Variants in PLAGL1 observed in about 807,000 individuals in gnomAD.
PLAGL1 encodes zinc finger protein PLAGL1.
Under a neutral mutation model 4.6 loss-of-function variants are expected in PLAGL1, and 1 was observed. That is an observed-to-expected ratio of 0.22 (90% CI 0.08 to 1.03). PLAGL1 has a LOEUF of 1.03. Among genes scored for constraint, PLAGL1 ranks in the 50% least tolerant of loss-of-function variants. The pLI is 0.58. For missense variants in PLAGL1, 464 were observed against 570.4 expected (o/e 0.81, Z 1.90); for synonymous variants, 240 against 237.8 (o/e 1.01, Z -0.08).
Position 143,977,470 on chromosome 6 carries a change from C to CTTTTTTTTT in PLAGL1, c.-544+7656_-544+7664dup, listed in dbSNP as rs34750629. On this transcript the variant is annotated intron_variant, in intron 2 of 7. Coordinates refer to ENST00000674357, the MANE Select transcript of PLAGL1 (RefSeq NM_001317162.2). ...TTTTTATTTTTTTCTTCTTCTTCTTCTTTTTTTTTTTTTTTTTTTTTGAGA... is the reference window on the plus strand; with the variant it reads ...TTTTTATTTTTTTCTTCTTCTTCTTCTTTTTTTTTTTTTTTTTTTTTTTTTTTTTTGAGA... 2.3e-3 allele frequency among the ~76,000 whole-genome samples: 159 copies of CTTTTTTTTT among 69,314 alleles called. 1 individual carries two copies. Among genetic ancestry groups the CTTTTTTTTT allele is most frequent in the South Asian group, 3.7e-3 (5 of 1,368 alleles). The allele number at this position is 69,314 out of a possible 152,430, so 45.5% of individuals were successfully genotyped here. A position where few individuals can be genotyped will look rare whatever the true frequency, so the allele number is the denominator to read the frequency against.
At position 143,946,933 on chromosome 6, in the gene PLAGL1, G is replaced by A. The variant is rs117255767; in HGVS notation, c.152+1052C>T. On this transcript the variant is annotated intron_variant, in intron 7 of 7. Coordinates refer to ENST00000674357, the MANE Select transcript of PLAGL1 (RefSeq NM_001317162.2). The stretch of plus-strand genomic sequence containing the variant: ...CATGCTCATTACCAGTCCCAGTACC[G>A]TGCAGCACAGCCACTGCATGTACAT... 2.3e-3 allele frequency among the ~76,000 whole-genome samples: 351 copies of A among 152,290 alleles called. 6 individuals are homozygous for A. The East Asian group carries it at 0.026, about 11-fold the overall frequency.
In PLAGL1 at chr6:143,949,791, C is replaced by T. The variant is rs947851786; in HGVS notation, c.-324-1331G>A. ...ATTGCAGTGAGTCTTTAAAGCCCTC[C>T]CTGCTCCTTGCAGTCATTTATTGCC... On this transcript the variant is annotated intron_variant, in intron 6 of 7. Coordinates refer to ENST00000674357, the MANE Select transcript of PLAGL1 (RefSeq NM_001317162.2). This position sits in a 1 kb window ranked among gnomAD's most constrained non-coding sequence, Gnocchi z 5.3. Among the ~76,000 whole-genome samples the T allele has an allele frequency of 6.6e-6, 1 of 152,134 alleles. No homozygotes were observed. Among genetic ancestry groups the T allele is most frequent in the Non-Finnish European group, 1.5e-5 (1 of 68,034 alleles).
At chr6:144,023,465 G>T (rs562883620) in intron 1 of PLAGL1, among the ~76,000 whole-genome samples, 2 of 152,260 alleles carry the variant, frequency 1.3e-5, no homozygotes, top group Admixed American at 6.5e-5. Context: ...CTCATTGAAG[G>T]GGGGCTGGGG....
intron 1 of PLAGL1, among the ~76,000 whole-genome samples, chr6:144,029,255 GT>G (rs1796614151): frequency 6.6e-6 from 1 of 152,044 alleles, no homozygotes; most frequent in Non-Finnish European, 1.5e-5. Context: ...GCATTTCCAA[GT>G]TTGCACAAAC....
intron 2 of PLAGL1, among the ~76,000 whole-genome samples, chr6:143,981,599 G>A (rs1164496522): frequency 1.3e-5 from 2 of 152,032 alleles, no homozygotes; most frequent in Non-Finnish European, 2.9e-5. Context: ...TCACTGTCTC[G>A]TGCCACTTGT....
chr6:143,946,498 G>A (rs187883945), intron 7 of PLAGL1, among the ~76,000 whole-genome samples: 1 of 152,344 alleles, frequency 6.6e-6, no homozygotes, highest in East Asian at 1.9e-4. Flanking sequence ...ACTCGTGACA[G>A]CTAGAGGGAG....
Position 144,036,785 on chromosome 6 carries a change from C to T in PLAGL1, c.-151+27683G>A. 1 of 339,688 alleles carries T rather than the reference C, an allele frequency of 2.9e-6. No homozygotes were observed. Among genetic ancestry groups the T allele is most frequent in the South Asian group, 2.3e-5 (1 of 42,726 alleles). 21.0% of individuals were successfully genotyped at this position (339,688 alleles called of 1,614,324 possible). ...GCTCTAAGACAAGCAAGAAGGCAGA[C>T]CTGCTAAATGCCCATTATGACACTA... On this transcript the variant is annotated intron_variant, in intron 1 of 3. Coordinates refer to the PLAGL1 transcript ENST00000437412. The surrounding 1 kb of genome is among the most constrained non-coding windows in gnomAD (Gnocchi z 5.1).
rs57728555 is a variant in PLAGL1, at chr6:143,982,396, G to T, written c.-544+2739C>A. 6.6e-6 allele frequency among the ~76,000 whole-genome samples: 1 copy of T among 152,102 alleles called. No homozygotes were observed. The highest frequency in any genetic ancestry group is 1.9e-4 in the East Asian group (1 of 5,196). Reference sequence around the variant, plus strand: ...GCTAAAGCAGTCAGTGAAGGGAAGCGGTAAAAGATTAGGCCAGAAGTAATG... The same window carrying T: ...GCTAAAGCAGTCAGTGAAGGGAAGCTGTAAAAGATTAGGCCAGAAGTAATG... On this transcript the variant is annotated intron_variant, in intron 2 of 7. Transcript: ENST00000674357. This position sits in a 1 kb window ranked among gnomAD's most constrained non-coding sequence, Gnocchi z 5.3.
rs1798330955 is a variant in PLAGL1, at chr6:144,048,369, C to T, written c.-151+16099G>A. On this transcript the variant is annotated intron_variant, in intron 1 of 3. Coordinates refer to the PLAGL1 transcript ENST00000437412. The surrounding 1 kb of genome is among the most constrained non-coding windows in gnomAD (Gnocchi z 4.8). The stretch of plus-strand genomic sequence containing the variant: ...TGGGGACTCTGTGTGGGGGCTCCAA[C>T]CCCACATTTTCCTCCTGGACTACGC... Among the ~76,000 whole-genome samples, 1 of 152,208 alleles carries T rather than the reference C, an allele frequency of 6.6e-6. No homozygotes were observed. The highest frequency in any genetic ancestry group is 2.4e-5 in the African/African-American group (1 of 41,458).
intron 1 of PLAGL1, among the ~76,000 whole-genome samples, chr6:144,002,433 G>C (rs1329763528): frequency 6.6e-6 from 1 of 152,006 alleles, no homozygotes. Context: ...AGTGCAATAA[G>C]GCAAGAAAAG....
rs531949403 is a variant in PLAGL1 at position 143,957,075 on chromosome 6, G to T, written c.-325+3394C>A. On this transcript the variant is annotated intron_variant, in intron 6 of 7. Transcript: ENST00000674357. This position sits in a 1 kb window ranked among gnomAD's most constrained non-coding sequence, Gnocchi z 4.2. ...GGGGGAACGGAGGAAAAGAAATATT[G>T]TTGCAGACTCTTGGATCTTTGACAG... Among the ~76,000 whole-genome samples, 2 of 152,372 alleles carry T rather than the reference G, an allele frequency of 1.3e-5. No homozygotes were observed. The highest frequency in any genetic ancestry group is 4.8e-5 in the African/African-American group (2 of 41,590).
chr6:144,062,860 C>G (rs1799533262), intron 1 of PLAGL1, among the ~76,000 whole-genome samples: 1 of 152,170 alleles, frequency 6.6e-6, no homozygotes, highest in Non-Finnish European at 1.5e-5. Flanking sequence ...AGCCTTCAGA[C>G]AGACCGGGGT....
intron 1 of PLAGL1, among the ~76,000 whole-genome samples, chr6:143,986,755 C>T (rs1789263704): frequency 6.6e-6 from 1 of 152,182 alleles, no homozygotes; most frequent in South Asian, 2.1e-4. Context: ...ATAGCTGTGA[C>T]AGTTTTGCCT....
intron 1 of PLAGL1, among the ~76,000 whole-genome samples, chr6:144,047,658 C>T (rs750741290): frequency 6.6e-6 from 1 of 152,084 alleles, no homozygotes; most frequent in Non-Finnish European, 1.5e-5. Context: ...GAAAACCATC[C>T]CCATGATCCA....
rs1785249598 is a variant in PLAGL1 at position 143,970,635 on chromosome 6, T to C, written c.-543-1657A>G. ...CGGGAAACTGTCTAAGAGGGAAATATCTGGTATTTTTCTACTAGGAAGTTA... is the reference window on the plus strand; with the variant it reads ...CGGGAAACTGTCTAAGAGGGAAATACCTGGTATTTTTCTACTAGGAAGTTA... On this transcript the variant is annotated intron_variant, in intron 2 of 7. Transcript: ENST00000674357. The surrounding 1 kb of genome is among the most constrained non-coding windows in gnomAD (Gnocchi z 5.8). 6.6e-6 allele frequency among the ~76,000 whole-genome samples: 1 copy of C among 152,190 alleles called. No individual in the cohort carries two copies. Among genetic ancestry groups the C allele is most frequent in the Non-Finnish European group, 1.5e-5 (1 of 68,024 alleles).
Position 143,985,982 on chromosome 6 carries a change from T to TTATATATATATATATATATATATATATA in PLAGL1, c.-583-836_-583-809dup, listed in dbSNP as rs55768066. ...TATATCAAATTATATATATATAAAA[T>TTATATATATATATATATATATATATATA]TATATATATATATATATATATATAT... On this transcript the variant is annotated intron_variant, in intron 1 of 7. Transcript: ENST00000674357. The surrounding 1 kb of genome is among the most constrained non-coding windows in gnomAD (Gnocchi z 4.4). 8.9e-4 allele frequency among the ~76,000 whole-genome samples: 99 copies of TTATATATATATATATATATATATATATA among 111,554 alleles called. 4 individuals are homozygous for TTATATATATATATATATATATATATATA. Among genetic ancestry groups the TTATATATATATATATATATATATATATA allele is most frequent in the Middle Eastern group, 4.4e-3 (1 of 226 alleles). The allele number at this position is 111,554 out of a possible 152,430, so 73.2% of individuals were successfully genotyped here. A position where few individuals can be genotyped will look rare whatever the true frequency, so the allele number is the denominator to read the frequency against.
chr6:143,984,501 G>A lies in PLAGL1; in HGVS notation c.-544+634C>T, dbSNP rs879760824. Among the ~76,000 whole-genome samples, 1 of 151,988 alleles carries A rather than the reference G, an allele frequency of 6.6e-6. No homozygotes were observed. The highest frequency in any genetic ancestry group is 1.5e-5 in the Non-Finnish European group (1 of 67,990). On this transcript the variant is annotated intron_variant, in intron 2 of 7. Transcript: ENST00000674357. The surrounding 1 kb of genome is among the most constrained non-coding windows in gnomAD (Gnocchi z 5.5). ...CCTAAGGAATGAGTATGCCAAGGTA[G>A]GTACTATCGGGAAGACTGTATTAGA...
In PLAGL1 at chr6:144,015,645, C is replaced by G. The variant is rs920575546; in HGVS notation, c.-150-46667G>C. Among the ~76,000 whole-genome samples, 4 of 152,124 alleles carry G rather than the reference C, an allele frequency of 2.6e-5. No individual in the cohort carries two copies. The highest frequency in any genetic ancestry group is 5.9e-5 in the Non-Finnish European group (4 of 68,014). On this transcript the variant is annotated intron_variant, in intron 1 of 3. Transcript: ENST00000437412. The surrounding 1 kb of genome is among the most constrained non-coding windows in gnomAD (Gnocchi z 4.3). ...AAGAATGACATTAAACATCATTTCCCCAATGATTAATGCAAATCAAAACTA... is the reference window on the plus strand; with the variant it reads ...AAGAATGACATTAAACATCATTTCCGCAATGATTAATGCAAATCAAAACTA...
Position 143,963,457 on chromosome 6 carries a change from G to A in PLAGL1, c.-399+1330C>T, listed in dbSNP as rs576261346. On this transcript the variant is annotated intron_variant, in intron 5 of 7. Transcript: ENST00000674357. This position sits in a 1 kb window ranked among gnomAD's most constrained non-coding sequence, Gnocchi z 6.1. ...CTATGCAATAGCCATCAGAGCTCCC[G>A]GATCCTCACCAGGTGATGGCTACTG... 3.9e-5 allele frequency among the ~76,000 whole-genome samples: 6 copies of A among 152,110 alleles called. No homozygotes were observed. Among genetic ancestry groups the A allele is most frequent in the South Asian group, 2.1e-4 (1 of 4,822 alleles).
Sources: allele counts gnomAD v4.1 joint callset (sites outside exome capture counted in the v4.1 genomes callset), GRCh38; gene constraint gnomAD v4.1.1; non-coding constraint Gnocchi (gnomAD v3.1); transcripts MANE v1.5; gene names NCBI Gene and HGNC (gene_info 2026-07-23, HGNC 2026-07-21).